The following CCSER1 variants were observed in gnomAD, a reference collection of about 807,000 sequenced individuals.
CCSER1 encodes the protein serine-rich coiled-coil domain-containing protein 1.
A neutral mutation model predicts 82.0 loss-of-function variants in CCSER1; 41 were observed. The ratio of observed to expected loss-of-function variants is 0.50; its 90% CI spans 0.39 to 0.65. The LOEUF is 0.65. Ranked by LOEUF, CCSER1 falls within the 30% of genes least tolerant of loss-of-function variation. CCSER1 has a pLI of 0.00. For synonymous variants in CCSER1, 414 were observed against 383.9 expected (o/e 1.08, Z -0.92); for missense variants, 1,119 against 1,064.2 (o/e 1.05, Z -0.72).
chr4:90,669,018 G>A (rs1049213403), intron 6 of CCSER1, among the ~76,000 whole-genome samples: 15 of 152,062 alleles, frequency 9.9e-5, no homozygotes, highest in Non-Finnish European at 2.9e-5. Context: ...CAAGAAGAGA[G>A]AGATTACCAG....
intron 10 of CCSER1, among the ~76,000 whole-genome samples, chr4:91,167,461 G>T (rs1020733221): frequency 6.6e-6 from 1 of 152,078 alleles, no homozygotes; most frequent in Non-Finnish European, 1.5e-5. Context: ...TGGGATTACA[G>T]GCATGAGCCA....
At chr4:90,541,025 C>T (rs891092580) in intron 5 of CCSER1, among the ~76,000 whole-genome samples, 1 of 152,060 alleles carries the variant, frequency 6.6e-6, no homozygotes, top group African/African-American at 2.4e-5. Context: ...GAAATTCCAC[C>T]ATTTATTGAT....
chr4:91,275,429 G>A (rs1176871988), intron 10 of CCSER1, among the ~76,000 whole-genome samples: 1 of 151,916 alleles, frequency 6.6e-6, no homozygotes, highest in Non-Finnish European at 1.5e-5. Flanking sequence ...TCGTGATGTT[G>A]AGCATTTTTT....
At chr4:91,082,470 T>G (rs1581508614) in intron 9 of CCSER1, among the ~76,000 whole-genome samples, 1 of 152,266 alleles carries the variant, frequency 6.6e-6, no homozygotes, top group East Asian at 1.9e-4. Flanking sequence ...GAAGAAAACC[T>G]AGGCAATACC....
intron 10 of CCSER1, among the ~76,000 whole-genome samples, chr4:91,158,242 C>A (rs370373835): frequency 1.3e-4 from 20 of 151,906 alleles, no homozygotes; most frequent in African/African-American, 4.1e-4. Flanking sequence ...TAAAATATAC[C>A]AATAGCACTA....
At chr4:90,486,359 A>G (rs1384260768) in intron 5 of CCSER1, among the ~76,000 whole-genome samples, 1 of 152,172 alleles carries the variant, frequency 6.6e-6, no homozygotes, top group Non-Finnish European at 1.5e-5. Context: ...CTCTCTTGCT[A>G]TAATTTTCCT....
chr4:90,771,136 A>G (rs976483), intron 7 of CCSER1, among the ~76,000 whole-genome samples: 88,651 of 151,850 alleles, frequency 0.58, 26,174 homozygotes, highest in African/African-American at 0.66. Context: ...TTATATAGCT[A>G]TGATTTTAAA....
At chr4:90,141,024 C>CTATCTATT (rs751494704) in intron 1 of CCSER1, among the ~76,000 whole-genome samples, 1 of 150,494 alleles carries the variant, frequency 6.6e-6, no homozygotes, top group African/African-American at 2.4e-5. Flanking sequence ...AGCAAGATAT[C>CTATCTATT]TATCTATCTA....
At chr4:90,278,442 G>A (rs981149308) in intron 1 of CCSER1, among the ~76,000 whole-genome samples, 1 of 151,974 alleles carries the variant, frequency 6.6e-6, no homozygotes, top group African/African-American at 2.4e-5. Flanking sequence ...CCCATCAAAG[G>A]TGGATTGGAT....
intron 7 of CCSER1, among the ~76,000 whole-genome samples, chr4:90,773,122 C>G (rs1446173529): frequency 6.6e-6 from 1 of 152,106 alleles, no homozygotes; most frequent in African/African-American, 2.4e-5. Flanking sequence ...TGCCCTTAAT[C>G]CTAGCTACTC....
intron 3 of CCSER1, among the ~76,000 whole-genome samples, chr4:90,345,501 C>A (rs1393213331): frequency 2.0e-5 from 3 of 151,952 alleles, no homozygotes; most frequent in Non-Finnish European, 4.4e-5. Context: ...TTCTCAGGAC[C>A]AAAAGGTGAT....
At chr4:91,541,816 A>G (rs113836836) in intron 10 of CCSER1, among the ~76,000 whole-genome samples, 10,067 of 152,176 alleles carry the variant, frequency 0.066, 358 homozygotes, top group Middle Eastern at 0.095. Flanking sequence ...GTCTTCCACA[A>G]TGGTTGAACT....
At chr4:91,147,954 T>C (rs1419013170) in intron 10 of CCSER1, among the ~76,000 whole-genome samples, 1 of 152,188 alleles carries the variant, frequency 6.6e-6, no homozygotes, top group Non-Finnish European at 1.5e-5. Flanking sequence ...TTTAATATGC[T>C]CTATATATTT....
intron 7 of CCSER1, among the ~76,000 whole-genome samples, chr4:90,791,094 G>A (rs1755162824): frequency 6.6e-6 from 1 of 152,158 alleles, no homozygotes; most frequent in Admixed American, 6.5e-5. Flanking sequence ...TCTTCACAGG[G>A]CAGCAGGAAA....
chr4:90,674,800 G>A (rs555577722), intron 6 of CCSER1, among the ~76,000 whole-genome samples: 87 of 151,674 alleles, frequency 5.7e-4, no homozygotes, highest in African/African-American at 2.1e-3. Flanking sequence ...GCACATGAGT[G>A]GTACTGGTTT....
chr4:91,000,203 AGTATAGTATAGTATAG>A (rs1299423021), intron 9 of CCSER1, among the ~76,000 whole-genome samples: 1 of 142,388 alleles, frequency 7.0e-6, no homozygotes, highest in South Asian at 2.3e-4. Context: ...TGCATAGTAT[AGTATAGTATAGTATAG>A]GTATAGTATA....
chr4:91,537,036 A>AAAATGTATTTTGAATG (rs1207829904), intron 10 of CCSER1, among the ~76,000 whole-genome samples: 4 of 152,072 alleles, frequency 2.6e-5, no homozygotes, highest in African/African-American at 9.7e-5. Flanking sequence ...AAATACATTT[A>AAAATGTATTTTGAATG]TCTTCCATTT....
At chr4:90,551,428 G>T (rs578048451) in intron 5 of CCSER1, among the ~76,000 whole-genome samples, 1 of 151,960 alleles carries the variant, frequency 6.6e-6, no homozygotes, top group South Asian at 2.1e-4. Context: ...GCCTCAGAGC[G>T]CACTTTTCTA....
At chr4:90,659,926 A>G (rs1730438459) in intron 6 of CCSER1, among the ~76,000 whole-genome samples, 1 of 151,996 alleles carries the variant, frequency 6.6e-6, no homozygotes, top group Admixed American at 6.6e-5. Flanking sequence ...TTCTTTTGAA[A>G]AATGCTTATT....
Sources: allele counts gnomAD v4.1 joint callset (sites outside exome capture counted in the v4.1 genomes callset), GRCh38; gene constraint gnomAD v4.1.1; transcripts MANE v1.5; gene names NCBI Gene and HGNC (gene_info 2026-07-23, HGNC 2026-07-21).